The following ZIC3 variants were observed in gnomAD, a reference collection of about 807,000 sequenced individuals.
ZIC3 encodes zinc finger protein ZIC 3.
A neutral mutation model predicts 18.3 loss-of-function variants in ZIC3; 6 were observed. The ratio of observed to expected loss-of-function variants is 0.33; its 90% CI spans 0.18 to 0.65. The LOEUF (loss-of-function observed/expected upper bound fraction) is 0.65, where lower values mean the gene tolerates loss of function less well. Among genes scored for constraint, ZIC3 ranks in the 30% least tolerant of loss-of-function variants. ZIC3 has a pLI of 0.75. For missense variants in ZIC3, 260 were observed against 410.0 expected, an observed-to-expected ratio of 0.63 and a Z score of 3.16; for synonymous variants, 175 against 177.0, an observed-to-expected ratio of 0.99 and a Z score of 0.09.
At chrX:137,568,681 G>GCCCCCCCCCC in intron 1 of ZIC3, 1 of 142,760 alleles carries the variant, frequency 7.0e-6, no homozygotes, top group Non-Finnish European at 1.3e-5. Context: ...TTTTGGGCCG[G>GCCCCCCCCCC]CCCCGCCCCA....
chrX:137,576,405 G>T (rs1021481794), downstream of ZIC3, among the ~76,000 whole-genome samples: 1 of 112,011 alleles, frequency 8.9e-6, no homozygotes, highest in East Asian at 2.8e-4. Context: ...GTTTCCCCTG[G>T]ATACCTGCGG....
intron 1 of ZIC3, among the ~76,000 whole-genome samples, chrX:137,568,330 GGATC>G (rs199895925): frequency 0.2 from 20,353 of 99,944 alleles, 1,458 homozygotes; most frequent in Admixed American, 0.24. Context: ...GGAGCCCCCT[GGATC>G]GATCGATCTA....
Position 137,566,465 on chromosome X carries a change from C to T in ZIC3, c.-227C>T. ...CTCCCTTCTCCTCCCTCCTCCTCCC[C>T]CCGCCAACACCCCCTCCCTGCTCTT... On this transcript the variant is annotated 5_prime_UTR_variant, in exon 1 of 3. Coordinates refer to ENST00000287538, the MANE Select transcript of ZIC3 (RefSeq NM_003413.4). 3.0e-6 allele frequency: 1 copy of T among 331,238 alleles called. No homozygotes were observed. The allele number at this position is 331,238 out of a possible 1,213,427, so 27.3% of individuals were successfully genotyped here.
At chrX:137,569,189 G>GCAA (rs1321554313) in intron 2 of ZIC3, 124 bp downstream of exon 2, 5 of 599,307 alleles carry the variant, frequency 8.3e-6, no homozygotes, top group Non-Finnish European at 1.2e-5. Flanking sequence ...TGCTCCAGCA[G>GCAA]TGACACCTTG....
At chrX:137,568,110 C>T (rs1931378395) in intron 1 of ZIC3, among the ~76,000 whole-genome samples, 1 of 113,262 alleles carries the variant, frequency 8.8e-6, no homozygotes, top group Non-Finnish European at 1.9e-5. Flanking sequence ...TCTCGGCACA[C>T]ATTCGTGGAA....
At chrX:137,573,439 T>A (rs1012943286), downstream of ZIC3, among the ~76,000 whole-genome samples, 3 of 111,552 alleles carry the variant, frequency 2.7e-5, no homozygotes, top group Admixed American at 1.9e-4. Flanking sequence ...AAGTTGGACA[T>A]GAGTGAGCAA....
Position 137,566,508 on chromosome X carries a change from CTAT to C in ZIC3, c.-183_-181del. The stretch of plus-strand genomic sequence containing the variant: ...CTGCTCTTTCTTCCCCTCCTCCCTC[CTAT>C]CCCTCTGCAGGAGACTCTTGCAGTG... On this transcript the variant is annotated 5_prime_UTR_variant, in exon 1 of 3. Coordinates refer to ENST00000287538, the MANE Select transcript of ZIC3 (RefSeq NM_003413.4). The C allele has an allele frequency of 1.5e-6, 1 of 676,432 alleles. No individual in the cohort carries two copies. Among genetic ancestry groups the C allele is most frequent in the Non-Finnish European group, 2.2e-6 (1 of 463,521 alleles). 55.7% of individuals were successfully genotyped at this position (676,432 alleles called of 1,213,427 possible). A position where few individuals can be genotyped will look rare whatever the true frequency, so the allele number is the denominator to read the frequency against.
downstream of ZIC3, among the ~76,000 whole-genome samples, chrX:137,574,794 G>T (rs1399511010): frequency 8.9e-6 from 1 of 112,914 alleles, no homozygotes; most frequent in Non-Finnish European, 1.9e-5. Flanking sequence ...CCCGCGGAGC[G>T]CAGCAAAGCG....
At chrX:137,569,110 C>A in intron 2 of ZIC3, 45 bp downstream of exon 2, 6 of 1,203,979 alleles carry the variant, frequency 5.0e-6, no homozygotes, top group Non-Finnish European at 6.7e-6. Flanking sequence ...AAACACTCGG[C>A]CCGACGCCGG....
At position 137,570,223 on chromosome X, in the gene ZIC3, A is replaced by G. The variant is rs1931418607; in HGVS notation, c.*153A>G. On this transcript the variant is annotated 3_prime_UTR_variant, in exon 3 of 3. Coordinates refer to ENST00000287538, the MANE Select transcript of ZIC3 (RefSeq NM_003413.4). ...CAATTGTCCAGGAAGGTTTTGGGCA[A>G]GATCCAAAAGTAGCCATGCCCTTTT... The G allele has an allele frequency of 6.1e-6, 4 of 651,415 alleles. No homozygotes were observed. The highest frequency in any genetic ancestry group is 9.6e-6 in the Non-Finnish European group (4 of 417,260). 53.7% of individuals were successfully genotyped at this position (651,415 alleles called of 1,213,427 possible).
rs1602742110 is a variant in ZIC3 at position 137,566,510 on chromosome X, A to C, written c.-182A>C. 7 of 485,777 alleles carry C rather than the reference A, an allele frequency of 1.4e-5. No individual in the cohort carries two copies. Among genetic ancestry groups the C allele is most frequent in the South Asian group, 4.8e-5 (1 of 20,975 alleles). The allele number at this position is 485,777 out of a possible 1,213,427, so 40.0% of individuals were successfully genotyped here. On this transcript the variant is annotated 5_prime_UTR_variant, in exon 1 of 3. Coordinates refer to ENST00000287538, the MANE Select transcript of ZIC3 (RefSeq NM_003413.4). ...GCTCTTTCTTCCCCTCCTCCCTCCT[A>C]TCCCTCTGCAGGAGACTCTTGCAGT...
intron 1 of ZIC3, among the ~76,000 whole-genome samples, chrX:137,568,376 ATC>A (rs1931386073): frequency 2.7e-5 from 3 of 109,780 alleles, no homozygotes; most frequent in African/African-American, 1.0e-4. Flanking sequence ...CTATCTATCT[ATC>A]TATCTATATT....
At position 137,571,866 on chromosome X, in the gene ZIC3, T is replaced by C. The variant is rs1196676973; in HGVS notation, c.*1796T>C. 2.8e-4 allele frequency among the ~76,000 whole-genome samples: 31 copies of C among 111,600 alleles called. No homozygotes were observed. In the Admixed American group the frequency reaches 3.0e-3, roughly 11 times the overall value. Reference sequence around the variant, plus strand: ...AGTATTGAGACCTTTTTTATTAGGGTGCTGTTTGTTATTGAGAGCCCAATC... The same window carrying C: ...AGTATTGAGACCTTTTTTATTAGGGCGCTGTTTGTTATTGAGAGCCCAATC... On this transcript the variant is annotated 3_prime_UTR_variant, in exon 3 of 3. Transcript: ENST00000287538.
Position 137,566,822 on chromosome X carries a change from C to G in ZIC3, c.131C>G (p.Thr44Ser), listed in dbSNP as rs78870836. ...GMGLNPFGDS[T>S]HAAAAAAAAA... ...GGGCTGAATCCCTTCGGGGACTCAA[C>G]CCACGCCGCCGCCGCCGCCGCCGCC... The change falls in exon 1 of 3, where the codon ACC becomes AGC. Residue 44 changes from threonine (T) to serine (S), a missense_variant. Physicochemically the swap from Thr to Ser is moderately conservative, Grantham distance 58. Around this residue, in one of 4 missense-constraint regions of ZIC3, gnomAD observed 183 missense variants for 223.8 expected, o/e 0.82. Transcript: ENST00000287538. The G allele has an allele frequency of 2.7e-5, 31 of 1,164,087 alleles. No homozygotes were observed. The African/African-American group carries it at 5.3e-4, about 20-fold the overall frequency.
chrX:137,566,898 C>G lies in ZIC3; in HGVS notation c.207C>G (p.Gly69=). 1 of 1,165,029 alleles carries G rather than the reference C, an allele frequency of 8.6e-7. No individual in the cohort carries two copies. The change falls in exon 1 of 3, where the codon GGC becomes GGG. Residue 69 remains glycine (G), a synonymous_variant. Transcript: ENST00000287538. ...CCGCGGCGCACGATCTATCTTCAGG[C>G]CAGAGCTCGGCTTTCACGCCGCAGG... ...SPAAAHDLSS[G]QSSAFTPQGS... is the part of the protein sequence containing the mutation.
chrX:137,571,332 T>A lies in ZIC3; in HGVS notation c.*1262T>A, dbSNP rs1931433707. On this transcript the variant is annotated 3_prime_UTR_variant, in exon 3 of 3. Coordinates refer to ENST00000287538, the MANE Select transcript of ZIC3 (RefSeq NM_003413.4). ...ACCCATATACCTATATATGTTTGTA[T>A]CTATGACTTATCTAATCTGCCTATC... 1 of 112,291 alleles carries A rather than the reference T, an allele frequency of 8.9e-6. No individual in the cohort carries two copies. Among genetic ancestry groups the A allele is most frequent in the African/African-American group, 3.2e-5 (1 of 30,796 alleles). The allele number at this position is 112,291 out of a possible 1,213,427, so 9.3% of individuals were successfully genotyped here. A position where few individuals can be genotyped will look rare whatever the true frequency, so the allele number is the denominator to read the frequency against.
Position 137,566,346 on chromosome X carries a change from T to G in ZIC3, c.-346T>G. ...GAGAGGAGGGGTGCCCGGGACAGGA[T>G]TGGCAAACTCCGCCCTCCACTTACT... is the stretch of plus-strand genomic sequence containing the variant. On this transcript the variant is annotated 5_prime_UTR_variant, in exon 1 of 3. Coordinates refer to ENST00000287538, the MANE Select transcript of ZIC3 (RefSeq NM_003413.4). 6.9e-6 allele frequency: 2 copies of G among 289,134 alleles called. No individual in the cohort carries two copies. The highest frequency in any genetic ancestry group is 6.1e-6 in the Non-Finnish European group (1 of 162,785). The allele number at this position is 289,134 out of a possible 1,213,427, so 23.8% of individuals were successfully genotyped here. A position where few individuals can be genotyped will look rare whatever the true frequency, so the allele number is the denominator to read the frequency against.
downstream of ZIC3, among the ~76,000 whole-genome samples, chrX:137,574,323 T>A (rs927909891): frequency 8.8e-6 from 1 of 113,445 alleles, no homozygotes; most frequent in African/African-American, 3.2e-5. Context: ...CGGCGAGGCC[T>A]GGGGACTGGT....
chrX:137,567,214 C>G lies in ZIC3; in HGVS notation c.523C>G (p.Pro175Ala), dbSNP rs763037926. 20 of 1,208,988 alleles carry G rather than the reference C, an allele frequency of 1.7e-5. No homozygotes were observed. In the South Asian group the frequency reaches 3.3e-4, roughly 20 times the overall value. ...TGAGCAGGGCGCTGGGCACCCGTCG[C>G]CCACAGGGCACGTGGACAACAACCA... The part of the protein sequence containing the change: ...LHEQGAGHPS[P>A]TGHVDNNQVH... The change falls in exon 1 of 3, where the codon CCC becomes GCC. Residue 175 changes from proline to alanine, a missense_variant. Physicochemically the swap from Pro to Ala is conservative, Grantham distance 27. Transcript: ENST00000287538.
Sources: gnomAD v4.1 joint callset for allele counts (sites outside exome capture counted in the v4.1 genomes callset) on GRCh38, gnomAD v4.1.1 for gene constraint, gnomAD v4.1.1 regional missense constraint, MANE v1.5 for transcripts, NCBI Gene and HGNC (gene_info 2026-07-23, HGNC 2026-07-21) for gene names.